Variants in GGA1 observed in about 807,000 individuals in gnomAD.
GGA1 encodes golgi associated, gamma adaptin ear containing, ARF binding protein 1.
In GGA1, 18 loss-of-function variants were observed where a neutral mutation model predicts 76.9. The observed-to-expected ratio is 0.23, with a 90% confidence interval of 0.16 to 0.35. The LOEUF (loss-of-function observed/expected upper bound fraction) is 0.35. GGA1 is among the 10% of genes least tolerant of loss of function. GGA1 has a pLI of 1.00. For missense variants in GGA1, 755 were observed against 859.0 expected, an observed-to-expected ratio of 0.88 and a Z score of 1.51; for synonymous variants, 342 against 354.7, an observed-to-expected ratio of 0.96 and a Z score of 0.40.
At chr22:37,617,105 T>C (rs1253793477) in intron 3 of GGA1, 108 bp downstream of exon 3, 2 of 1,532,818 alleles carry the variant, frequency 1.3e-6, no homozygotes, top group South Asian at 2.4e-5. Flanking sequence ...CCAAGAGAGT[T>C]GTGCTAAGAT....
Position 37,608,857 on chromosome 22 carries a change from G to C in GGA1, c.-4G>C, listed in dbSNP as rs1279076222. ...GCGGTGCCGAGGCTGGGGGCCGGTG[G>C]CGGATGGAGCCCGCGATGGAGCCGG... On this transcript the variant is annotated 5_prime_UTR_variant, in exon 1 of 17. Coordinates refer to ENST00000343632, the MANE Select transcript of GGA1 (RefSeq NM_013365.5). The C allele has an allele frequency of 7.6e-7, 1 of 1,307,748 alleles. No homozygotes were observed. Among genetic ancestry groups the C allele is most frequent in the African/African-American group, 1.5e-5 (1 of 64,698 alleles). The allele number at this position is 1,307,748 out of a possible 1,614,324, so 81.0% of individuals were successfully genotyped here. A position where few individuals can be genotyped will look rare whatever the true frequency, so the allele number is the denominator to read the frequency against.
In GGA1 at chr22:37,626,126, C is replaced by T. The variant is rs929543401; in HGVS notation, c.1093+177C>T. On this transcript the variant is annotated intron_variant, in intron 11 of 16. Transcript: ENST00000343632. ...AACTGAGGCTCGGGGAAGTTAGGAG[C>T]TTGTGCGAGGCCACACGGCCAGAGG... 6.7e-6 allele frequency: 3 copies of T among 447,984 alleles called. No individual in the cohort carries two copies. In the East Asian group the frequency reaches 1.0e-4, roughly 15 times the overall value. 27.8% of individuals were successfully genotyped at this position (447,984 alleles called of 1,614,324 possible).
intron 4 of GGA1, among the ~76,000 whole-genome samples, 164 bp downstream of exon 4, chr22:37,618,710 A>G (rs1929277728): frequency 6.6e-6 from 1 of 152,038 alleles, no homozygotes; most frequent in African/African-American, 2.4e-5. Flanking sequence ...CTCTTCTCAC[A>G]GTCCTCTCAT....
In GGA1 at chr22:37,623,657, G is replaced by A. The variant is rs1207750081; in HGVS notation, c.832+24G>A. On this transcript the variant is annotated intron_variant, in intron 9 of 16. Coordinates refer to ENST00000343632, the MANE Select transcript of GGA1 (RefSeq NM_013365.5). The surrounding 1 kb of genome is among the most constrained non-coding windows in gnomAD (Gnocchi z 4.6). ...AGGTGAGCCCAGGGCAGGTGCTGAG[G>A]TCAGGTCCCCCCCTCTCCCTCCACC... 1 of 1,489,012 alleles carries A rather than the reference G, an allele frequency of 6.7e-7. No individual in the cohort carries two copies. Among genetic ancestry groups the A allele is most frequent in the Admixed American group, 1.9e-5 (1 of 51,292 alleles). 92.2% of individuals were successfully genotyped at this position (1,489,012 alleles called of 1,614,324 possible).
Position 37,632,207 on chromosome 22 carries a change from G to A in GGA1, c.1698+42G>A. 1 of 1,576,820 alleles carries A rather than the reference G, an allele frequency of 6.3e-7. No individual in the cohort carries two copies. Among genetic ancestry groups the A allele is most frequent in the South Asian group, 1.1e-5 (1 of 88,284 alleles). ...ACAGGGCATGCCTCCCTCCTCTCAA[G>A]GCAGGGTGACATGGAGCTGGGTGGG... On this transcript the variant is annotated intron_variant, in intron 15 of 16. Transcript: ENST00000343632. This position sits in a 1 kb window ranked among gnomAD's most constrained non-coding sequence, Gnocchi z 5.1.
At chr22:37,615,237 G>T (rs1399025016) in intron 2 of GGA1, among the ~76,000 whole-genome samples, 1 of 151,234 alleles carries the variant, frequency 6.6e-6, no homozygotes, top group Non-Finnish European at 1.5e-5. Flanking sequence ...CCTGAGGTTG[G>T]GAGTTCAAGA....
chr22:37,632,741 G>A lies in GGA1; in HGVS notation c.*30G>A. 1 of 1,311,050 alleles carries A rather than the reference G, an allele frequency of 7.6e-7. No individual in the cohort carries two copies. Among genetic ancestry groups the A allele is most frequent in the Non-Finnish European group, 1.1e-6 (1 of 921,644 alleles). 81.2% of individuals were successfully genotyped at this position (1,311,050 alleles called of 1,614,324 possible). On this transcript the variant is annotated 3_prime_UTR_variant, in exon 17 of 17. Coordinates refer to ENST00000343632, the MANE Select transcript of GGA1 (RefSeq NM_013365.5). This position sits in a 1 kb window ranked among gnomAD's most constrained non-coding sequence, Gnocchi z 5.1. ...GAGGGGCTGGGGAGAGGAAGGGGCA[G>A]AGGGACCGGTCACTGTCCAGCCTGG...
intron 11 of GGA1, among the ~76,000 whole-genome samples, chr22:37,628,629 G>A (rs1391400280): frequency 6.6e-6 from 1 of 152,194 alleles, no homozygotes; most frequent in Non-Finnish European, 1.5e-5. Context: ...AGCATCTAGG[G>A]CATCATCAGT....
intron 11 of GGA1, among the ~76,000 whole-genome samples, chr22:37,627,328 G>T: frequency 6.6e-6 from 1 of 152,302 alleles, no homozygotes; most frequent in East Asian, 1.9e-4. Context: ...GGAGTGTGGA[G>T]GGAGAGCTGA....
intron 4 of GGA1, chr22:37,619,763 G>A: frequency 2.6e-6 from 2 of 777,514 alleles, no homozygotes; most frequent in South Asian, 1.4e-5. Context: ...CAGAGCTACT[G>A]AATAATCCAT....
chr22:37,622,043 C>T (rs1164550384), intron 7 of GGA1, among the ~76,000 whole-genome samples: 2 of 151,726 alleles, frequency 1.3e-5, no homozygotes, highest in Admixed American at 6.6e-5. Context: ...TTTAAAAATA[C>T]TAATGAATAT....
intron 7 of GGA1, among the ~76,000 whole-genome samples, chr22:37,622,707 T>A (rs1445867811): frequency 6.6e-6 from 1 of 152,196 alleles, no homozygotes; most frequent in Non-Finnish European, 1.5e-5. Context: ...AAGCTGGATG[T>A]GGTGGCTCAT....
At chr22:37,631,911 C>T in intron 14 of GGA1, 85 bp from the exon 15 acceptor site, 1 of 1,259,846 alleles carries the variant, frequency 7.9e-7, no homozygotes, top group Non-Finnish European at 1.1e-6. Flanking sequence ...GCAGCCAGCT[C>T]CTGAGGCCAG....
At chr22:37,619,796 A>G (rs1051533756) in intron 4 of GGA1, 2 of 778,598 alleles carry the variant, frequency 2.6e-6, no homozygotes, top group African/African-American at 3.4e-5. Context: ...TCTCCTCCCA[A>G]CAGGGGACTC....
intron 6 of GGA1, 106 bp downstream of exon 6, chr22:37,621,019 C>T (rs1929791214): frequency 9.3e-6 from 7 of 752,336 alleles, no homozygotes; most frequent in African/African-American, 3.4e-5. Context: ...GAGGCACACA[C>T]TGAGCCCAGG....
chr22:37,629,704 G>T (rs1206198535), intron 12 of GGA1, among the ~76,000 whole-genome samples, 178 bp downstream of exon 12: 1 of 152,146 alleles, frequency 6.6e-6, no homozygotes, highest in African/African-American at 2.4e-5. Context: ...CTTACCTCCA[G>T]CTGTATCTTC....
At position 37,629,490 on chromosome 22, in the gene GGA1, C is replaced by G; in HGVS notation, c.1122C>G (p.Gly374=). 1 of 1,591,012 alleles carries G rather than the reference C, an allele frequency of 6.3e-7. No homozygotes were observed. Among genetic ancestry groups the G allele is most frequent in the Non-Finnish European group, 8.5e-7 (1 of 1,170,632 alleles). The stretch of plus-strand genomic sequence containing the variant: ...TCAGTGACCCCACACCCCCTTCAGG[C>G]CCAAGCCTGGATGGTACCGGATGGA... ...LGLSDPTPPS[G]PSLDGTGWNS... The change falls in exon 12 of 17, where the codon GGC becomes GGG. Residue 374 remains glycine, a synonymous_variant. Coordinates refer to ENST00000343632, the MANE Select transcript of GGA1 (RefSeq NM_013365.5).
At chr22:37,622,016 A>T (rs1394906777) in intron 7 of GGA1, among the ~76,000 whole-genome samples, 3 of 152,070 alleles carry the variant, frequency 2.0e-5, no homozygotes, top group African/African-American at 7.3e-5. Flanking sequence ...AAGTATTTTT[A>T]AAATTATTTT....
At chr22:37,629,113 C>T (rs572892607) in intron 11 of GGA1, among the ~76,000 whole-genome samples, 16 of 152,344 alleles carry the variant, frequency 1.1e-4, no homozygotes, top group African/African-American at 3.4e-4. Context: ...TGCCTGGATG[C>T]GTGAGGAAAG....
Sources: gnomAD v4.1 joint callset for allele counts (sites outside exome capture counted in the v4.1 genomes callset) on GRCh38, gnomAD v4.1.1 for gene constraint, Gnocchi (gnomAD v3.1) non-coding constraint, MANE v1.5 for transcripts, NCBI Gene and HGNC (gene_info 2026-07-23, HGNC 2026-07-21) for gene names.